ITPK1: variants seen among roughly 807,000 people sequenced by gnomAD.
ITPK1 encodes inositol-tetrakisphosphate 1-kinase, also known as inositol 1,3,4-trisphosphate 5/6-kinase.
A neutral mutation model predicts 45.3 loss-of-function variants in ITPK1; 21 were observed. The ratio of observed to expected loss-of-function variants is 0.46; its 90% CI spans 0.33 to 0.67. The LOEUF (loss-of-function observed/expected upper bound fraction) is 0.67. Ranked by LOEUF, ITPK1 falls within the 30% of genes least tolerant of loss-of-function variation. ITPK1 has a pLI of 0.02. For missense variants in ITPK1, 474 were observed against 573.5 expected (o/e 0.83, Z 1.77); for synonymous variants, 258 against 253.6 (o/e 1.02, Z -0.16).
At chr14:93,057,298 C>T (rs1450148299) in intron 3 of ITPK1, among the ~76,000 whole-genome samples, 1 of 152,192 alleles carries the variant, frequency 6.6e-6, no homozygotes, top group Non-Finnish European at 1.5e-5. Flanking sequence ...CGAGGTCCAA[C>T]GTGGAGAGCT....
intron 4 of ITPK1, among the ~76,000 whole-genome samples, chr14:93,009,965 TCTC>T (rs1473116984): frequency 2.0e-5 from 3 of 152,114 alleles, no homozygotes; most frequent in Non-Finnish European, 4.4e-5. Flanking sequence ...GCCGCAGTTG[TCTC>T]CTCCTGAAAA....
intron 9 of ITPK1, among the ~76,000 whole-genome samples, chr14:92,947,479 CAG>C (rs1410769201): frequency 6.6e-6 from 1 of 152,272 alleles, no homozygotes; most frequent in African/African-American, 2.4e-5. Context: ...ATTCTGGAGT[CAG>C]AGAGACGTGG....
chr14:92,963,926 C>T (rs1396738875), intron 5 of ITPK1, among the ~76,000 whole-genome samples: 1 of 152,136 alleles, frequency 6.6e-6, no homozygotes, highest in African/African-American at 2.4e-5. Context: ...GGGCGGTCTG[C>T]CACCCACAGG....
intron 3 of ITPK1, among the ~76,000 whole-genome samples, chr14:93,033,820 C>A (rs915239879): frequency 6.6e-6 from 1 of 152,036 alleles, no homozygotes; most frequent in Non-Finnish European, 1.5e-5. Flanking sequence ...TGTGGTGGGG[C>A]ACAGGAGGGC....
chr14:93,042,235 G>A (rs953053588), intron 3 of ITPK1, among the ~76,000 whole-genome samples: 4 of 152,152 alleles, frequency 2.6e-5, no homozygotes, highest in East Asian at 3.8e-4. Flanking sequence ...CTGGAAACAC[G>A]TTTTCTCTAC....
chr14:92,997,880 C>A (rs1887141856), intron 4 of ITPK1, among the ~76,000 whole-genome samples: 1 of 152,206 alleles, frequency 6.6e-6, no homozygotes, highest in African/African-American at 2.4e-5. Flanking sequence ...TTTTCAGAGG[C>A]CCCAAGCCCA....
At chr14:92,954,462 C>T (rs1428597309) in intron 8 of ITPK1, among the ~76,000 whole-genome samples, 2 of 152,206 alleles carry the variant, frequency 1.3e-5, no homozygotes, top group South Asian at 2.1e-4. Flanking sequence ...CAGCATGTAT[C>T]AGCAAGCCCT....
intron 3 of ITPK1, among the ~76,000 whole-genome samples, chr14:93,045,220 G>C (rs559759613): frequency 6.6e-6 from 1 of 152,342 alleles, no homozygotes; most frequent in East Asian, 1.9e-4. Context: ...ACCCCTCTGG[G>C]CAAGACCTCA....
rs551948776 is a variant in ITPK1, at chr14:92,960,769, AG to A, written c.504+1585del. On this transcript the variant is annotated intron_variant, in intron 7 of 10. Coordinates refer to ENST00000267615, the MANE Select transcript of ITPK1 (RefSeq NM_014216.6). Reference sequence around the variant, plus strand: ...GGCGGGCAGGCAGATACTGGGGCTGAGGGGGGCCTGGGGACCAACGCTGCTG... The same window carrying A: ...GGCGGGCAGGCAGATACTGGGGCTGAGGGGGCCTGGGGACCAACGCTGCTG... 1.6e-4 allele frequency among the ~76,000 whole-genome samples: 24 copies of A among 152,314 alleles called. 1 individual carries two copies. The East Asian group carries it at 4.6e-3, about 29-fold the overall frequency.
At chr14:93,003,092 G>A (rs114785139) in intron 4 of ITPK1, among the ~76,000 whole-genome samples, 3,026 of 152,336 alleles carry the variant, frequency 0.02, 107 homozygotes, top group African/African-American at 0.069. Flanking sequence ...CTGCACTTAT[G>A]CACAGGAGGG....
At chr14:93,008,031 C>T (rs1887709041) in intron 4 of ITPK1, among the ~76,000 whole-genome samples, 1 of 152,228 alleles carries the variant, frequency 6.6e-6, no homozygotes, top group South Asian at 2.1e-4. Context: ...TGCAGACAGC[C>T]CTATCCACCG....
At chr14:93,001,064 G>T (rs942294275) in intron 4 of ITPK1, among the ~76,000 whole-genome samples, 4 of 151,394 alleles carry the variant, frequency 2.6e-5, no homozygotes, top group African/African-American at 9.8e-5. Context: ...AGTATCACAA[G>T]GTCAGGAGTT....
At position 93,064,280 on chromosome 14, in the gene ITPK1, C is replaced by T. The variant is rs190043672; in HGVS notation, c.120+12315G>A. 5.4e-3 allele frequency among the ~76,000 whole-genome samples: 818 copies of T among 152,262 alleles called. 5 individuals carry two copies. Among genetic ancestry groups the T allele is most frequent in the African/African-American group, 0.019 (790 of 41,560 alleles). On this transcript the variant is annotated intron_variant, in intron 3 of 10. Coordinates refer to ENST00000267615, the MANE Select transcript of ITPK1 (RefSeq NM_014216.6). ...CCTGGGCGACAGAGCGAGACTCCAT[C>T]TCAAAAAATAAAAATTAAAATTTTC...
intron 2 of ITPK1, among the ~76,000 whole-genome samples, chr14:93,094,937 C>T (rs1368202379): frequency 1.3e-5 from 2 of 152,248 alleles, no homozygotes; most frequent in African/African-American, 2.4e-5. Flanking sequence ...TCTCCACTAC[C>T]TTCCATCCAT....
intron 3 of ITPK1, among the ~76,000 whole-genome samples, chr14:93,073,823 C>T (rs1264143312): frequency 6.6e-6 from 1 of 152,240 alleles, no homozygotes; most frequent in Non-Finnish European, 1.5e-5. Context: ...CATTCTGAGC[C>T]TCAGTTTCCC....
intron 2 of ITPK1, among the ~76,000 whole-genome samples, chr14:93,095,907 T>C (rs957380652): frequency 6.6e-6 from 1 of 152,202 alleles, no homozygotes; most frequent in African/African-American, 2.4e-5. Flanking sequence ...TGCATCCATG[T>C]TGCTGCAAAG....
At chr14:93,106,476 G>A (rs1209550134) in intron 2 of ITPK1, among the ~76,000 whole-genome samples, 1 of 152,202 alleles carries the variant, frequency 6.6e-6, no homozygotes, top group African/African-American at 2.4e-5. Context: ...TATGGTAGAG[G>A]CCAGGGTGTG....
At chr14:93,090,050 A>C (rs751516035) in intron 2 of ITPK1, among the ~76,000 whole-genome samples, 35 of 152,054 alleles carry the variant, frequency 2.3e-4, no homozygotes, top group Non-Finnish European at 4.6e-4. Flanking sequence ...GTCCCTGCAC[A>C]CACACTCTGC....
intron 2 of ITPK1, among the ~76,000 whole-genome samples, chr14:93,098,105 G>C (rs1282035534): frequency 2.0e-5 from 3 of 151,996 alleles, no homozygotes; most frequent in African/African-American, 7.2e-5. Context: ...GATCACTTGA[G>C]GTCAGGAGTT....
Sources: gnomAD v4.1 joint callset for allele counts (sites outside exome capture counted in the v4.1 genomes callset) on GRCh38, gnomAD v4.1.1 for gene constraint, MANE v1.5 for transcripts, NCBI Gene and HGNC (gene_info 2026-07-23, HGNC 2026-07-21) for gene names.